OSBPL9: variants seen among roughly 807,000 people sequenced by gnomAD.
OSBPL9 encodes oxysterol binding protein like 9, also known as oxysterol-binding protein-related protein 9.
Under a neutral mutation model 106.6 loss-of-function variants are expected in OSBPL9, and 40 were observed. The ratio of observed to expected loss-of-function variants is 0.38; its 90% CI spans 0.29 to 0.49. The LOEUF (loss-of-function observed/expected upper bound fraction) is 0.49. OSBPL9 is among the 20% of genes least tolerant of loss of function. The probability of loss-of-function intolerance (pLI) is 0.97; values close to 1 mark genes in which losing one functional copy is unlikely to be tolerated. For missense variants in OSBPL9, 609 were observed against 887.2 expected (o/e 0.69, Z 3.98); for synonymous variants, 269 against 295.4 (o/e 0.91, Z 0.92).
the OSBPL9 span, among the ~76,000 whole-genome samples, chr1:51,520,217 G>A: frequency 6.6e-6 from 1 of 151,986 alleles, no homozygotes; most frequent in South Asian, 2.1e-4. Flanking sequence ...TTTCTATATC[G>A]TCAGACCCTA....
chr1:51,788,055 C>G lies in OSBPL9; in HGVS notation c.*266C>G. The G allele has an allele frequency of 2.2e-6, 1 of 458,794 alleles. No individual in the cohort carries two copies. The highest frequency in any genetic ancestry group is 3.9e-6 in the Non-Finnish European group (1 of 254,534). 28.4% of individuals were successfully genotyped at this position (458,794 alleles called of 1,614,324 possible). On this transcript the variant is annotated 3_prime_UTR_variant, in exon 24 of 24. Transcript: ENST00000428468. ...ATGATGTCTTCTCCTTTTCCAAACA[C>G]CACACGTTGAAAGCATTTATAAATC...
At chr1:51,529,436 G>A in the OSBPL9 span, among the ~76,000 whole-genome samples, 1 of 151,908 alleles carries the variant, frequency 6.6e-6, no homozygotes, top group Admixed American at 6.6e-5. Context: ...GTAGAGACAG[G>A]GTTTCACCGT....
chr1:51,519,802 G>A, the OSBPL9 span, among the ~76,000 whole-genome samples: 1 of 152,196 alleles, frequency 6.6e-6, no homozygotes. Flanking sequence ...AGCTGAATTA[G>A]AATCCAAGTC....
At chr1:51,690,476 C>T (rs1359316584) in intron 3 of OSBPL9, among the ~76,000 whole-genome samples, 1 of 152,168 alleles carries the variant, frequency 6.6e-6, no homozygotes, top group African/African-American at 2.4e-5. Context: ...TTGGAGACTT[C>T]AGCTAAAACT....
chr1:51,568,944 C>T, the OSBPL9 span, among the ~76,000 whole-genome samples: 1 of 152,180 alleles, frequency 6.6e-6, no homozygotes, highest in Non-Finnish European at 1.5e-5. Flanking sequence ...AACTCCTGAC[C>T]TCAAGTGATC....
intron 1 of OSBPL9, among the ~76,000 whole-genome samples, chr1:51,581,444 C>T (rs1645221084): frequency 6.6e-6 from 1 of 152,150 alleles, no homozygotes; most frequent in South Asian, 2.1e-4. Flanking sequence ...TCTTTTTTCC[C>T]CCTTCTTTCC....
chr1:51,542,171 A>G, the OSBPL9 span, among the ~76,000 whole-genome samples: 1 of 152,312 alleles, frequency 6.6e-6, no homozygotes, highest in African/African-American at 2.4e-5. Flanking sequence ...TTACAGGCTT[A>G]AACCACTGCA....
intron 1 of OSBPL9, among the ~76,000 whole-genome samples, chr1:51,651,534 C>T (rs182333607): frequency 2.3e-3 from 347 of 152,046 alleles, no homozygotes; most frequent in Admixed American, 4.5e-3. Context: ...ACCCAGGAGG[C>T]GGAGGTTGCA....
In OSBPL9 at chr1:51,731,056, C is replaced by CT. The variant is rs751207090; in HGVS notation, c.319-14469dup. Among the ~76,000 whole-genome samples the CT allele has an allele frequency of 3.5e-3, 511 of 145,674 alleles. 2 individuals are homozygous for CT. The highest frequency in any genetic ancestry group is 6.3e-3 in the African/African-American group (251 of 40,064). ...AATATATTGCTTTACTCCCCCCCACCTTTTTTTTTTTGTGCAGCCCGACAA... is the reference window on the plus strand; with the variant it reads ...AATATATTGCTTTACTCCCCCCCACCTTTTTTTTTTTTGTGCAGCCCGACAA... On this transcript the variant is annotated intron_variant, in intron 4 of 23. Transcript: ENST00000428468.
intron 1 of OSBPL9, among the ~76,000 whole-genome samples, chr1:51,650,988 A>G (rs985283710): frequency 2.0e-5 from 3 of 152,230 alleles, no homozygotes; most frequent in Non-Finnish European, 1.5e-5. Context: ...CTGAGGCATA[A>G]GTCAGATACA....
At position 51,748,690 on chromosome 1, in the gene OSBPL9, A is replaced by T. The variant is rs559339972; in HGVS notation, c.492+292A>T. 9.4e-4 allele frequency among the ~76,000 whole-genome samples: 143 copies of T among 152,100 alleles called. 2 individuals carry two copies. Among genetic ancestry groups the T allele is most frequent in the African/African-American group, 3.0e-3 (126 of 41,464 alleles). ...CAGTGGATATGTTATTTCATATTTT[A>T]AAAAAAATAATTAATTTCTTTGATT... On this transcript the variant is annotated intron_variant, in intron 7 of 23. Coordinates refer to ENST00000428468, the MANE Select transcript of OSBPL9 (RefSeq NM_024586.6).
intron 1 of OSBPL9, among the ~76,000 whole-genome samples, chr1:51,580,405 A>C (rs2148598622): frequency 6.6e-6 from 1 of 152,362 alleles, no homozygotes; most frequent in East Asian, 1.9e-4. Flanking sequence ...CAAATTAATT[A>C]AGACAATAAT....
At chr1:51,567,133 T>A in the OSBPL9 span, 8 of 152,238 alleles carry the variant, frequency 5.3e-5, no homozygotes, top group Admixed American at 5.2e-4. Context: ...CAAGATCAAG[T>A]CATGTTCATC....
At chr1:51,648,122 G>A (rs185204698) in intron 1 of OSBPL9, among the ~76,000 whole-genome samples, 391 of 152,276 alleles carry the variant, frequency 2.6e-3, no homozygotes, top group Middle Eastern at 6.8e-3. Context: ...CTTGAAAAAG[G>A]ACATTTGTTA....
intron 1 of OSBPL9, among the ~76,000 whole-genome samples, chr1:51,577,749 C>A (rs1229517019): frequency 6.6e-6 from 1 of 152,202 alleles, no homozygotes; most frequent in Non-Finnish European, 1.5e-5. Context: ...TCATTGCATT[C>A]TCTTAACAGC....
chr1:51,756,455 G>A, intron 9 of OSBPL9, 97 bp downstream of exon 9: 1 of 1,155,952 alleles, frequency 8.7e-7, no homozygotes, highest in East Asian at 2.5e-5. Context: ...ATTTTTCAAT[G>A]CCAACTACTC....
intron 2 of OSBPL9, among the ~76,000 whole-genome samples, chr1:51,662,470 T>A (rs1570894794): frequency 1.3e-5 from 2 of 152,130 alleles, no homozygotes; most frequent in African/African-American, 4.8e-5. Context: ...TGGGTTTAGA[T>A]GCAAGTGAGT....
intron 1 of OSBPL9, among the ~76,000 whole-genome samples, chr1:51,580,263 G>T (rs1346614212): frequency 1.3e-5 from 2 of 152,182 alleles, no homozygotes; most frequent in African/African-American, 4.8e-5. Context: ...TATAACCTGA[G>T]TGAATCACTT....
chr1:51,539,536 C>T, the OSBPL9 span, among the ~76,000 whole-genome samples: 1 of 152,146 alleles, frequency 6.6e-6, no homozygotes, highest in African/African-American at 2.4e-5. Flanking sequence ...CTACAATGAC[C>T]TTTCTAAAAA....
Sources: allele counts gnomAD v4.1 joint callset (sites outside exome capture counted in the v4.1 genomes callset), GRCh38; gene constraint gnomAD v4.1.1; transcripts MANE v1.5; gene names NCBI Gene and HGNC (gene_info 2026-07-23, HGNC 2026-07-21).